The following RYK variants were observed in gnomAD, a reference collection of about 807,000 sequenced individuals.
The protein encoded by RYK is inactive tyrosine-protein kinase RYK.
Under a neutral mutation model 70.2 loss-of-function variants are expected in RYK, and 21 were observed. That is an observed-to-expected ratio of 0.30 (90% CI 0.21 to 0.43). The LOEUF is 0.43. Among genes scored for constraint, RYK ranks in the 20% least tolerant of loss-of-function variants. The probability of loss-of-function intolerance (pLI) is 1.00; values close to 1 mark genes in which losing one functional copy is unlikely to be tolerated. For synonymous variants in RYK, 267 were observed against 278.0 expected (o/e 0.96, Z 0.39); for missense variants, 604 against 753.3 (o/e 0.80, Z 2.32).
intron 2 of RYK, among the ~76,000 whole-genome samples, chr3:134,211,882 C>G (rs185987516): frequency 9.2e-5 from 14 of 152,296 alleles, no homozygotes; most frequent in African/African-American, 3.1e-4. Flanking sequence ...CTGCTGAGAA[C>G]TATGCAGCAC....
chr3:134,202,504 TTCC>T (rs2014058129), intron 6 of RYK: 1 of 456,378 alleles, frequency 2.2e-6, no homozygotes, highest in East Asian at 4.2e-5. Context: ...TCTCCACTTC[TTCC>T]TCAACAACTA....
At chr3:134,202,592 C>G (rs1346855578) in intron 6 of RYK, 138 bp downstream of exon 6, 1 of 616,862 alleles carries the variant, frequency 1.6e-6, no homozygotes, top group East Asian at 3.2e-5. Flanking sequence ...GTGATTAGGT[C>G]ATCTTATTTT....
chr3:134,246,911 T>C (rs1300757009), intron 1 of RYK, among the ~76,000 whole-genome samples: 1 of 151,836 alleles, frequency 6.6e-6, no homozygotes, highest in East Asian at 1.9e-4. Context: ...AGCAAGAGGA[T>C]GGAATGCTCC....
intron 4 of RYK, among the ~76,000 whole-genome samples, chr3:134,208,233 C>T (rs1472441375): frequency 6.6e-6 from 1 of 152,224 alleles, no homozygotes; most frequent in East Asian, 1.9e-4. Flanking sequence ...CAGATATTAG[C>T]ACTGGTGGGA....
intron 1 of RYK, among the ~76,000 whole-genome samples, chr3:134,228,056 G>T (rs2014957117): frequency 1.3e-5 from 2 of 152,198 alleles, no homozygotes; most frequent in Admixed American, 6.5e-5. Context: ...TGGGAGGCCG[G>T]GACCAGAGGA....
Position 134,249,922 on chromosome 3 carries a change from T to TTTGTTTTTTG in RYK, c.232+500_232+501insCAAAAAACAA, listed in dbSNP as rs1553713508. ...CCTCCCCTTCTTTCTCTCTCGTTTTTTTTTTTTTTTTTTTTTTTTTTGTAA... is the reference window on the plus strand; with the variant it reads ...CCTCCCCTTCTTTCTCTCTCGTTTTTTTGTTTTTTGTTTTTTTTTTTTTTTTTTTTTGTAA... On this transcript the variant is annotated intron_variant, in intron 1 of 14. Transcript: ENST00000623711. Among the ~76,000 whole-genome samples, 265 of 134,558 alleles carry TTTGTTTTTTG rather than the reference T, an allele frequency of 2.0e-3. 4 individuals are homozygous for TTTGTTTTTTG. The highest frequency in any genetic ancestry group is 7.6e-3 in the African/African-American group (252 of 33,232). The allele number at this position is 134,558 out of a possible 152,430, so 88.3% of individuals were successfully genotyped here.
At chr3:134,200,125 A>G (rs1043100766) in intron 6 of RYK, among the ~76,000 whole-genome samples, 1 of 152,074 alleles carries the variant, frequency 6.6e-6, no homozygotes, top group Admixed American at 6.6e-5. Context: ...AGGCCACCCA[A>G]GCCAGCAGCG....
At chr3:134,236,614 C>T (rs1158643114) in intron 1 of RYK, among the ~76,000 whole-genome samples, 3 of 152,034 alleles carry the variant, frequency 2.0e-5, no homozygotes, top group Non-Finnish European at 4.4e-5. Context: ...GCCAAAATAG[C>T]CAAAACAATT....
intron 14 of RYK, among the ~76,000 whole-genome samples, chr3:134,158,695 AAT>A (rs2012336408): frequency 6.6e-6 from 1 of 152,186 alleles, no homozygotes; most frequent in South Asian, 2.1e-4. Context: ...TGGAACTGAG[AAT>A]ATACTCATCT....
At chr3:134,188,699 AT>A (rs923090999) in intron 9 of RYK, 137 bp downstream of exon 9, 1 of 568,800 alleles carries the variant, frequency 1.8e-6, no homozygotes, top group Non-Finnish European at 3.1e-6. Flanking sequence ...ATATAAGACA[AT>A]TTTTGTTTTC....
At chr3:134,172,062 C>G (rs2108148150) in intron 13 of RYK, among the ~76,000 whole-genome samples, 1 of 152,170 alleles carries the variant, frequency 6.6e-6, no homozygotes, top group East Asian at 1.9e-4. Context: ...CATTTTCTGC[C>G]CATCGAACTA....
Position 134,216,002 on chromosome 3 carries a change from C to T in RYK, c.355-4395G>A, listed in dbSNP as rs552133528. 7.8e-5 allele frequency among the ~76,000 whole-genome samples: 11 copies of T among 140,772 alleles called. No homozygotes were observed. The East Asian group carries it at 1.9e-3, about 24-fold the overall frequency. The allele number at this position is 140,772 out of a possible 152,430, so 92.4% of individuals were successfully genotyped here. ...AGTGAGCCAAGATCGCACCACTGCA[C>T]GCCAGTGTGGGTGACAGAGTGAGAC... On this transcript the variant is annotated intron_variant, in intron 2 of 14. Coordinates refer to ENST00000623711, the MANE Select transcript of RYK (RefSeq NM_002958.4).
intron 1 of RYK, among the ~76,000 whole-genome samples, chr3:134,238,841 A>G (rs534855527): frequency 1.3e-5 from 2 of 152,376 alleles, no homozygotes; most frequent in East Asian, 3.9e-4. Flanking sequence ...AATAGACTGG[A>G]TAGGACAGCA....
At chr3:134,218,254 C>T (rs1243115098) in intron 2 of RYK, among the ~76,000 whole-genome samples, 1 of 152,224 alleles carries the variant, frequency 6.6e-6, no homozygotes, top group African/African-American at 2.4e-5. Flanking sequence ...AAAGCCCTAA[C>T]TGCTCAGAAG....
intron 11 of RYK, among the ~76,000 whole-genome samples, 155 bp from the exon 12 acceptor site, chr3:134,176,194 T>TC (rs1275416342): frequency 6.6e-6 from 1 of 152,206 alleles, no homozygotes; most frequent in East Asian, 1.9e-4. Flanking sequence ...AAGACTATGT[T>TC]CCCATATATC....
intron 1 of RYK, among the ~76,000 whole-genome samples, chr3:134,249,917 G>GTTTTTTTGTTTTTTTTTTTT (rs2015564368): frequency 1.1e-5 from 1 of 93,366 alleles, no homozygotes. Flanking sequence ...TTTCTCTCTC[G>GTTTTTTTGTTTTTTTTTTTT]TTTTTTTTTT....
intron 7 of RYK, among the ~76,000 whole-genome samples, chr3:134,194,432 A>T (rs1424715715): frequency 6.6e-6 from 1 of 152,166 alleles, no homozygotes; most frequent in Non-Finnish European, 1.5e-5. Context: ...TATCTGACTC[A>T]GCAACATGTC....
At chr3:134,216,786 C>T (rs563818128) in intron 2 of RYK, among the ~76,000 whole-genome samples, 30 of 44,876 alleles carry the variant, frequency 6.7e-4, no homozygotes, top group African/African-American at 2.2e-3. Flanking sequence ...GAGTGAGACT[C>T]TGTCTCAAAA....
intron 8 of RYK, among the ~76,000 whole-genome samples, chr3:134,190,454 T>C (rs1263952468): frequency 2.0e-5 from 3 of 152,140 alleles, no homozygotes; most frequent in African/African-American, 4.8e-5. Flanking sequence ...TTTACCACAA[T>C]GTTACAGCAA....
Sources: gnomAD v4.1 joint callset for allele counts (sites outside exome capture counted in the v4.1 genomes callset) on GRCh38, gnomAD v4.1.1 for gene constraint, MANE v1.5 for transcripts, NCBI Gene and HGNC (gene_info 2026-07-23, HGNC 2026-07-21) for gene names.